Variants in CIC observed in about 807,000 individuals in gnomAD.
The protein encoded by CIC is capicua transcriptional repressor, also known as protein capicua homolog.
Under a neutral mutation model 115.7 loss-of-function variants are expected in CIC, and 18 were observed. That is an observed-to-expected ratio of 0.16 (90% CI 0.11 to 0.23). The LOEUF (loss-of-function observed/expected upper bound fraction) is 0.23. CIC is among the 10% of genes least tolerant of loss of function. The probability of loss-of-function intolerance (pLI) is 1.00; values close to 1 mark genes in which losing one functional copy is unlikely to be tolerated. For missense variants in CIC, 2,000 were observed against 2,159.3 expected (o/e 0.93, Z 1.46); for synonymous variants, 1,076 against 923.0 (o/e 1.17, Z -3.01).
At position 42,293,216 on chromosome 19, in the gene CIC, C is replaced by G. The variant is rs587778201; in HGVS notation, c.6457C>G (p.Arg2153Gly). 1.9e-6 allele frequency: 3 copies of G among 1,596,256 alleles called. No individual in the cohort carries two copies. Among genetic ancestry groups the G allele is most frequent in the Admixed American group, 3.5e-5 (2 of 57,964 alleles). ...GCCAGAGACCTGGACTCCCACGGCC[C>G]GGAGCAGCCCCCCACTGCCCCCACC... ...PLPETWTPTA[R>G]SSPPLPPPAE... Residue 2153 changes from arginine to glycine, a missense_variant, in exon 16 of 21, where the codon CGG becomes GGG. Physicochemically the swap from Arg to Gly is moderately radical, Grantham distance 125 (BLOSUM62 -2). Coordinates refer to ENST00000681038, the MANE Select transcript of CIC (RefSeq NM_001386298.1).
In CIC at chr19:42,270,856, TGTGCGC is replaced by T. The variant is rs1230149069; in HGVS notation, c.-10-912_-10-907del. Among the ~76,000 whole-genome samples the T allele has an allele frequency of 6.6e-6, 1 of 152,154 alleles. No individual in the cohort carries two copies. Among genetic ancestry groups the T allele is most frequent in the African/African-American group, 2.4e-5 (1 of 41,428 alleles). On this transcript the variant is annotated intron_variant, in intron 1 of 20. Transcript: ENST00000681038. The surrounding 1 kb of genome is among the most constrained non-coding windows in gnomAD (Gnocchi z 4.1). ...GTGCTTCTGTGCGTGTGTGTGTGTT[TGTGCGC>T]GTGCGTGTGCTCATGCACGGCCCCG...
At position 42,269,280 on chromosome 19, in the gene CIC, AAG is replaced by A. The variant is rs1491081898; in HGVS notation, c.-111_-110del. 1 of 150,326 alleles carries A rather than the reference AAG, an allele frequency of 6.7e-6. No homozygotes were observed. The highest frequency in any genetic ancestry group is 2.4e-5 in the African/African-American group (1 of 40,832). 9.3% of individuals were successfully genotyped at this position (150,326 alleles called of 1,614,324 possible). On this transcript the variant is annotated 5_prime_UTR_variant, in exon 1 of 21. Coordinates refer to ENST00000681038, the MANE Select transcript of CIC (RefSeq NM_001386298.1). ...ATTTTGTGTGTTGGAGTAAAAAAAA[AAG>A]GGAGAATCGAGAGGGAGAGCCGGAG...
chr19:42,281,607 C>T (rs902268803), intron 2 of CIC, among the ~76,000 whole-genome samples: 2 of 152,146 alleles, frequency 1.3e-5, no homozygotes, highest in Admixed American at 1.3e-4. Context: ...AGGGATAGGA[C>T]CTGCTCCCTC....
chr19:42,284,673 G>C (rs1201443535), intron 2 of CIC: 1 of 1,522,880 alleles, frequency 6.6e-7, no homozygotes, highest in East Asian at 2.5e-5. Flanking sequence ...GAGGAGGTGC[G>C]AGCCCCTGCC....
rs1394731412 is a variant in CIC, at chr19:42,273,970, C to T, written c.2187C>T (p.Gly729=). Residue 729 remains glycine (G), a synonymous_variant, in exon 2 of 21, where the codon GGC becomes GGT. Transcript: ENST00000681038. The part of the protein sequence containing the change: ...LPHPGALGAP[G]AGGGGAAPDF... Reference sequence around the variant, plus strand: ...ATCCAGGGGCCTTGGGGGCCCCTGGCGCAGGGGGTGGAGGAGCCGCCCCAG... The same window carrying T: ...ATCCAGGGGCCTTGGGGGCCCCTGGTGCAGGGGGTGGAGGAGCCGCCCCAG... The T allele has an allele frequency of 1.8e-5, 7 of 398,770 alleles. No homozygotes were observed. The highest frequency in any genetic ancestry group is 2.7e-5 in the Non-Finnish European group (6 of 226,288). 24.7% of individuals were successfully genotyped at this position (398,770 alleles called of 1,614,324 possible).
At position 42,277,965 on chromosome 19, in the gene CIC, C is replaced by T. The variant is rs139598564; in HGVS notation, c.2794+3388C>T. Among the ~76,000 whole-genome samples the T allele has an allele frequency of 2.8e-3, 426 of 152,352 alleles. 1 individual carries two copies. The highest frequency in any genetic ancestry group is 9.8e-3 in the African/African-American group (408 of 41,596). Reference sequence around the variant, plus strand: ...CCCATGGGGCCCAGATAGGGCAGACCGTGTTCAGTGGTATAGTGAGGTTGC... The same window carrying T: ...CCCATGGGGCCCAGATAGGGCAGACTGTGTTCAGTGGTATAGTGAGGTTGC... On this transcript the variant is annotated intron_variant, in intron 2 of 20. Coordinates refer to ENST00000681038, the MANE Select transcript of CIC (RefSeq NM_001386298.1).
chr19:42,289,333 G>T lies in CIC; in HGVS notation c.4014G>T (p.Ala1338=). Residue 1338 remains alanine (A), a synonymous_variant, in exon 9 of 21, where the codon GCG becomes GCT. Coordinates refer to ENST00000681038, the MANE Select transcript of CIC (RefSeq NM_001386298.1). ...LPTRASRSQR[A]ASEDMTSDEE... ...CCCGAGCTTCTCGTTCTCAGCGTGC[G>T]GCCAGTGAGGACATGACGAGTGATG... 3 of 1,613,922 alleles carry T rather than the reference G, an allele frequency of 1.9e-6. No homozygotes were observed. Among genetic ancestry groups the T allele is most frequent in the Non-Finnish European group, 2.5e-6 (3 of 1,179,910 alleles).
rs1334905980 is a variant in CIC, at chr19:42,270,733, T to G, written c.-10-1041T>G. 6.6e-6 allele frequency among the ~76,000 whole-genome samples: 1 copy of G among 151,862 alleles called. No individual in the cohort carries two copies. Among genetic ancestry groups the G allele is most frequent in the Non-Finnish European group, 1.5e-5 (1 of 67,944 alleles). ...AAGAGGGGGGCTGGGCTTGCGGGTATCACGCTGGGTGCTGTGGGGGGAGGA... is the reference window on the plus strand; with the variant it reads ...AAGAGGGGGGCTGGGCTTGCGGGTAGCACGCTGGGTGCTGTGGGGGGAGGA... On this transcript the variant is annotated intron_variant, in intron 1 of 20. Transcript: ENST00000681038. The surrounding 1 kb of genome is among the most constrained non-coding windows in gnomAD (Gnocchi z 4.1).
At position 42,287,353 on chromosome 19, in the gene CIC, G is replaced by T. The variant is rs200317945; in HGVS notation, c.3213G>T (p.Leu1071Phe). Residue 1071 changes from leucine to phenylalanine, a missense_variant, in exon 5 of 21, where the codon TTG becomes TTT. By Grantham distance (22) the Leu-to-Phe change is conservative. This residue lies in a region of CIC where 222 missense variants were observed against 247.7 expected (regional missense o/e 0.90). Transcript: ENST00000681038. This position sits in a 1 kb window ranked among gnomAD's most constrained non-coding sequence, Gnocchi z 8.7. ...FLSIMSPEIQ[L>F]PLPPGKRRTQ... ...CCATCATGTCTCCTGAGATCCAGTT[G>T]CCTCTACCGCCCGGAAAACGTCGGA... 5.2e-4 allele frequency: 834 copies of T among 1,614,080 alleles called. 8 individuals are homozygous for T. In the South Asian group the frequency reaches 8.5e-3, roughly 16 times the overall value.
Position 42,292,384 on chromosome 19 carries a change from G to A in CIC, c.5820G>A (p.Ser1940=), listed in dbSNP as rs906438078. ...CCAGCCAGGCTGGAACAGTCACCTC[G>A]TACGGGCCCACGAGCTCTGTAGCTC... The part of the protein sequence containing the change: ...PASSQAGTVT[S]YGPTSSVALG... The change falls in exon 14 of 21, where the codon TCG becomes TCA. Residue 1940 remains serine, a synonymous_variant. Transcript: ENST00000681038. 4.3e-6 allele frequency: 7 copies of A among 1,612,740 alleles called. No individual in the cohort carries two copies. Among genetic ancestry groups the A allele is most frequent in the Non-Finnish European group, 5.1e-6 (6 of 1,179,790 alleles).
chr19:42,287,357 C>T lies in CIC; in HGVS notation c.3217C>T (p.Leu1073=), dbSNP rs2037730717. The T allele has an allele frequency of 1.9e-6, 3 of 1,614,048 alleles. No individual in the cohort carries two copies. The highest frequency in any genetic ancestry group is 2.7e-5 in the African/African-American group (2 of 74,924). ...CATGTCTCCTGAGATCCAGTTGCCT[C>T]TACCGCCCGGAAAACGTCGGACCCA... The part of the protein sequence containing the change: ...SIMSPEIQLP[L]PPGKRRTQSL... Residue 1073 remains leucine, a synonymous_variant, in exon 5 of 21, where the codon CTA becomes TTA. Transcript: ENST00000681038. This position sits in a 1 kb window ranked among gnomAD's most constrained non-coding sequence, Gnocchi z 8.7.
chr19:42,292,862 A>C lies in CIC; in HGVS notation c.6196+3A>C. The C allele has an allele frequency of 1.9e-6, 3 of 1,613,736 alleles. No individual in the cohort carries two copies. Among genetic ancestry groups the C allele is most frequent in the Non-Finnish European group, 2.5e-6 (3 of 1,179,958 alleles). On this transcript the variant is annotated splice_donor_region_variant and intron_variant, in intron 15 of 20. Transcript: ENST00000681038. ...TAGCCCTTTCCCCAGCGCCACAGGT[A>C]GGTGTCAGATCAACCCAGAGCAGAG... is the stretch of plus-strand genomic sequence containing the variant.
chr19:42,293,409 C>T (rs1354837917), intron 16 of CIC, 128 bp downstream of exon 16: 12 of 1,342,300 alleles, frequency 8.9e-6, no homozygotes, highest in Non-Finnish European at 1.2e-5. Flanking sequence ...TCCCCTCTGT[C>T]CCTTCTGCCT....
In CIC at chr19:42,293,245, T is replaced by C. The variant is rs777063970; in HGVS notation, c.6486T>C (p.Ala2162=). 9.4e-6 allele frequency: 15 copies of C among 1,591,860 alleles called. No homozygotes were observed. The highest frequency in any genetic ancestry group is 1.8e-4 in the Middle Eastern group (1 of 5,676). The change falls in exon 16 of 21, where the codon GCT becomes GCC. Residue 2162 remains alanine (A), a synonymous_variant. Coordinates refer to ENST00000681038, the MANE Select transcript of CIC (RefSeq NM_001386298.1). The part of the protein sequence containing the change: ...ARSSPPLPPP[A]EERTSAKGPE... ...GCAGCCCCCCACTGCCCCCACCTGCTGAGGAGCGGACCAGCGCCAAGGGCC... is the reference window on the plus strand; with the variant it reads ...GCAGCCCCCCACTGCCCCCACCTGCCGAGGAGCGGACCAGCGCCAAGGGCC...
chr19:42,291,861 A>G, intron 12 of CIC, 116 bp downstream of exon 12: 3 of 1,383,312 alleles, frequency 2.2e-6, no homozygotes, highest in Non-Finnish European at 3.1e-6. Context: ...CTGTCTTGCC[A>G]TCTTCCGTGA....
At chr19:42,291,885 C>T (rs1481750942) in intron 12 of CIC, 140 bp downstream of exon 12, 32 of 1,302,304 alleles carry the variant, frequency 2.5e-5, no homozygotes, top group Non-Finnish European at 3.4e-5. Context: ...CTCTGTGCAT[C>T]CTGACTCTCT....
chr19:42,281,361 G>A (rs2037239872), intron 2 of CIC, among the ~76,000 whole-genome samples: 1 of 152,220 alleles, frequency 6.6e-6, no homozygotes, highest in South Asian at 2.1e-4. Context: ...CCAGGCCTCT[G>A]GGCAGGCCTC....
Position 42,292,952 on chromosome 19 carries a change from C to T in CIC, c.6197-4C>T. On this transcript the variant is annotated splice_region_variant and splice_polypyrimidine_tract_variant and intron_variant, in intron 15 of 20. Transcript: ENST00000681038. Reference sequence around the variant, plus strand: ...GGCTCAGCAAACAATTTTCTCCCCACTAGCAGGTTCCATGACCTACAGCTT... The same window carrying T: ...GGCTCAGCAAACAATTTTCTCCCCATTAGCAGGTTCCATGACCTACAGCTT... The T allele has an allele frequency of 6.2e-7, 1 of 1,613,890 alleles. No individual in the cohort carries two copies. Among genetic ancestry groups the T allele is most frequent in the Non-Finnish European group, 8.5e-7 (1 of 1,180,004 alleles).
rs1041186023 is a variant in CIC, at chr19:42,280,798, T to A, written c.2795-5973T>A. 6.6e-6 allele frequency among the ~76,000 whole-genome samples: 1 copy of A among 151,822 alleles called. No homozygotes were observed. Among genetic ancestry groups the A allele is most frequent in the Non-Finnish European group, 1.5e-5 (1 of 67,888 alleles). On this transcript the variant is annotated intron_variant, in intron 2 of 20. Coordinates refer to ENST00000681038, the MANE Select transcript of CIC (RefSeq NM_001386298.1). The surrounding 1 kb of genome is among the most constrained non-coding windows in gnomAD (Gnocchi z 4.9). Reference sequence around the variant, plus strand: ...GGGAACGCAGGGCGGCGCCCCCTCCTCTGCTCGGGCCTTGGCGCCTCCCTC... The same window carrying A: ...GGGAACGCAGGGCGGCGCCCCCTCCACTGCTCGGGCCTTGGCGCCTCCCTC...
Sources: gnomAD v4.1 joint callset for allele counts (sites outside exome capture counted in the v4.1 genomes callset) on GRCh38, gnomAD v4.1.1 for gene constraint, gnomAD v4.1.1 regional missense constraint, Gnocchi (gnomAD v3.1) non-coding constraint, MANE v1.5 for transcripts, NCBI Gene and HGNC (gene_info 2026-07-23, HGNC 2026-07-21) for gene names.